The following PCDH15 variants were observed in gnomAD, a reference collection of about 807,000 sequenced individuals.
PCDH15 encodes protocadherin related 15.
In PCDH15, 129 loss-of-function variants were observed where a neutral mutation model predicts 178.5. That is an observed-to-expected ratio of 0.72 (90% confidence interval 0.63 to 0.84). The LOEUF (loss-of-function observed/expected upper bound fraction) is 0.84, where lower values mean the gene tolerates loss of function less well. Ranked by LOEUF, PCDH15 falls within the 40% of genes least tolerant of loss-of-function variation. PCDH15 has a pLI of 0.00. For missense variants in PCDH15, 2,230 were observed against 2,099.9 expected (o/e 1.06, Z -1.21); for synonymous variants, 800 against 732.0 (o/e 1.09, Z -1.50).
At chr10:55,022,528 T>C (rs557920898) in intron 2 of PCDH15, among the ~76,000 whole-genome samples, 10 of 152,120 alleles carry the variant, frequency 6.6e-5, no homozygotes, top group Admixed American at 6.5e-4. Context: ...GTACTGCATT[T>C]GTTAATTAGC....
chr10:55,195,653 TA>T (rs5785123), intron 1 of PCDH15, among the ~76,000 whole-genome samples: 45,063 of 117,958 alleles, frequency 0.38, 7,828 homozygotes, highest in South Asian at 0.5. Context: ...AAACTCCATC[TA>T]AAAAAAAAAA....
At chr10:54,375,407 A>C (rs904825279) in intron 4 of PCDH15, among the ~76,000 whole-genome samples, 2 of 152,132 alleles carry the variant, frequency 1.3e-5, no homozygotes, top group Admixed American at 6.6e-5. Context: ...CATATGGTCC[A>C]AGACCAAGTA....
chr10:54,543,957 CAGACATACCGA>C (rs551065078), intron 2 of PCDH15, among the ~76,000 whole-genome samples: 157 of 152,260 alleles, frequency 1.0e-3, no homozygotes, highest in African/African-American at 3.5e-3. Context: ...CTTTGTTCTT[CAGACATACCGA>C]AGAACACCTG....
intron 2 of PCDH15, among the ~76,000 whole-genome samples, chr10:54,550,292 A>G: frequency 6.6e-6 from 1 of 152,208 alleles, no homozygotes; most frequent in East Asian, 1.9e-4. Flanking sequence ...TGTTATTCTT[A>G]CAACTTCCAC....
chr10:54,974,603 T>C (rs1057337492), intron 2 of PCDH15, among the ~76,000 whole-genome samples: 1 of 152,022 alleles, frequency 6.6e-6, no homozygotes, highest in African/African-American at 2.4e-5. Flanking sequence ...TTTCTTAACA[T>C]TGAAATTCCC....
chr10:53,818,086 T>C, intron 33 of PCDH15, 73 bp from the exon 34 acceptor site: 1 of 397,020 alleles, frequency 2.5e-6, no homozygotes, highest in Non-Finnish European at 4.4e-6. Context: ...GACTGACAGA[T>C]AAGGGCTTTA....
chr10:55,437,884 C>T (rs1232004093), intron 2 of PCDH15, among the ~76,000 whole-genome samples: 1 of 123,288 alleles, frequency 8.1e-6, no homozygotes, highest in African/African-American at 3.3e-5. Context: ...GTTTCCCAGG[C>T]GGGAGTGCAA....
At chr10:55,356,049 G>A (rs1588949016) in intron 2 of PCDH15, among the ~76,000 whole-genome samples, 1 of 151,852 alleles carries the variant, frequency 6.6e-6, no homozygotes, top group Middle Eastern at 3.4e-3. Context: ...CATAAACCAG[G>A]TATATGCTGG....
At chr10:54,421,847 CTA>C (rs372564880) in intron 3 of PCDH15, among the ~76,000 whole-genome samples, 37,446 of 93,216 alleles carry the variant, frequency 0.4, 7,583 homozygotes, top group Middle Eastern at 0.51. Flanking sequence ...TACACACACA[CTA>C]TATATATATA....
chr10:55,023,218 A>G (rs1288913120), intron 2 of PCDH15, among the ~76,000 whole-genome samples: 1 of 152,200 alleles, frequency 6.6e-6, no homozygotes, highest in Non-Finnish European at 1.5e-5. Flanking sequence ...CTGGGATTAC[A>G]GGCATGAGCC....
At chr10:54,940,113 C>A (rs1391217210) in intron 2 of PCDH15, among the ~76,000 whole-genome samples, 1 of 151,930 alleles carries the variant, frequency 6.6e-6, no homozygotes, top group Non-Finnish European at 1.5e-5. Context: ...GTATCAGTGT[C>A]TTTAGGTTTA....
Position 54,699,849 on chromosome 10 carries a change from T to C in PCDH15, c.-28-35559A>G, listed in dbSNP as rs186181557. 2.4e-4 allele frequency among the ~76,000 whole-genome samples: 36 copies of C among 152,230 alleles called. No homozygotes were observed. In the East Asian group the frequency reaches 7.0e-3, roughly 29 times the overall value. On this transcript the variant is annotated intron_variant, in intron 1 of 37. Coordinates refer to ENST00000644397, the MANE Select transcript of PCDH15 (RefSeq NM_001384140.1). The stretch of plus-strand genomic sequence containing the variant: ...TTAACACTTTGTAAAGAAAATACAT[T>C]TTACTGGTAAGTTATGCATTGCATA...
rs534572144 is a variant in PCDH15 at position 53,965,475 on chromosome 10, G to A, written c.2869-3583C>T. Reference sequence around the variant, plus strand: ...AACAAACTTGGCTCACACTAAAACCGAAGTCTTTTAATAACAAATCAACTT... The same window carrying A: ...AACAAACTTGGCTCACACTAAAACCAAAGTCTTTTAATAACAAATCAACTT... On this transcript the variant is annotated intron_variant, in intron 21 of 37. Coordinates refer to ENST00000644397, the MANE Select transcript of PCDH15 (RefSeq NM_001384140.1). 5.3e-5 allele frequency among the ~76,000 whole-genome samples: 8 copies of A among 152,294 alleles called. No individual in the cohort carries two copies. The South Asian group carries it at 1.2e-3, about 24-fold the overall frequency.
At chr10:54,786,802 A>T (rs1388674728) in intron 1 of PCDH15, among the ~76,000 whole-genome samples, 1 of 151,870 alleles carries the variant, frequency 6.6e-6, no homozygotes, top group Non-Finnish European at 1.5e-5. Context: ...CCTGTTACTA[A>T]GAAAACAATT....
At chr10:55,376,897 A>G (rs777090590) in intron 2 of PCDH15, among the ~76,000 whole-genome samples, 4 of 152,078 alleles carry the variant, frequency 2.6e-5, no homozygotes, top group Middle Eastern at 3.2e-3. Flanking sequence ...ATGAAATGTA[A>G]ATAGAATAGT....
At chr10:54,617,854 G>A (rs905276751) in intron 2 of PCDH15, among the ~76,000 whole-genome samples, 1 of 151,170 alleles carries the variant, frequency 6.6e-6, no homozygotes, top group East Asian at 2.0e-4. Context: ...GAACCCGGGA[G>A]GCAGAGATCG....
At chr10:54,310,177 T>A (rs2060816072) in intron 8 of PCDH15, among the ~76,000 whole-genome samples, 1 of 152,180 alleles carries the variant, frequency 6.6e-6, no homozygotes, top group Non-Finnish European at 1.5e-5. Flanking sequence ...CAGATATAAG[T>A]TACTTTGAAT....
chr10:55,467,966 C>CAAAAAAAAAAAAA lies in PCDH15; in HGVS notation c.-156+159646_-156+159658dup, dbSNP rs71463104. 2.6e-3 allele frequency among the ~76,000 whole-genome samples: 96 copies of CAAAAAAAAAAAAA among 36,636 alleles called. 8 individuals are homozygous for CAAAAAAAAAAAAA. Among genetic ancestry groups the CAAAAAAAAAAAAA allele is most frequent in the African/African-American group, 4.2e-3 (28 of 6,592 alleles). The allele number at this position is 36,636 out of a possible 152,430, so 24.0% of individuals were successfully genotyped here. On this transcript the variant is annotated intron_variant, in intron 2 of 5. Transcript: ENST00000613346. ...TGGGCGATAGAGCCAGACTCCGTCT[C>CAAAAAAAAAAAAA]AAAAAAAAAAAAAAAAAAAAAAAAA...
At chr10:54,184,888 T>C (rs2048348589) in intron 12 of PCDH15, among the ~76,000 whole-genome samples, 1 of 152,054 alleles carries the variant, frequency 6.6e-6, no homozygotes, top group African/African-American at 2.4e-5. Flanking sequence ...ATTCTCACTT[T>C]CTTTTTTTTT....
Sources: gnomAD v4.1 joint callset for allele counts (sites outside exome capture counted in the v4.1 genomes callset) on GRCh38, gnomAD v4.1.1 for gene constraint, MANE v1.5 for transcripts, NCBI Gene and HGNC (gene_info 2026-07-23, HGNC 2026-07-21) for gene names.